TXNRD3: variants seen among roughly 807,000 people sequenced by gnomAD.
TXNRD3 encodes thioredoxin reductase 3, also known as TXNRD3 neighbor gene protein.
Under a neutral mutation model 78.2 loss-of-function variants are expected in TXNRD3, and 68 were observed. The observed-to-expected ratio is 0.87, with a 90% CI of 0.72 to 1.06. The LOEUF is 1.06. Ranked by LOEUF, TXNRD3 falls within the 50% of genes least tolerant of loss-of-function variation. The pLI is 0.00. For synonymous variants in TXNRD3, 296 were observed against 300.1 expected, an observed-to-expected ratio of 0.99 and a Z score of 0.14; for missense variants, 751 against 809.5, an observed-to-expected ratio of 0.93 and a Z score of 0.88.
intron 1 of TXNRD3, among the ~76,000 whole-genome samples, chr3:126,652,192 G>C (rs1188576715): frequency 1.3e-5 from 2 of 152,148 alleles, no homozygotes; most frequent in East Asian, 3.9e-4. Flanking sequence ...AAGGCAAAGG[G>C]GGAGCCAGCA....
At chr3:126,654,338 C>T (rs1273187287) in intron 1 of TXNRD3, among the ~76,000 whole-genome samples, 2 of 152,184 alleles carry the variant, frequency 1.3e-5, no homozygotes, top group African/African-American at 2.4e-5. Context: ...GGTTATCACC[C>T]AAAGGCTCGT....
chr3:126,654,798 G>T lies in TXNRD3; in HGVS notation c.193C>A (p.Arg65Ser). ...TTGCTGAAGATCACCACCCGGCTGC[G>T]CTCGATGAGGCCCACGAGGTGGCGG... Residue 65 changes from arginine (R) to serine (S), a missense_variant, in exon 1 of 16, where the codon CGC becomes AGC. Physicochemically the swap from Arg to Ser is moderately radical, Grantham distance 110 (BLOSUM62 -1). Transcript: ENST00000524230. 1 of 1,431,018 alleles carries T rather than the reference G, an allele frequency of 7.0e-7. No homozygotes were observed. The highest frequency in any genetic ancestry group is 9.1e-7 in the Non-Finnish European group (1 of 1,093,544). The allele number at this position is 1,431,018 out of a possible 1,614,324, so 88.6% of individuals were successfully genotyped here.
chr3:126,609,094 G>A, intron 14 of TXNRD3: 1 of 395,004 alleles, frequency 2.5e-6, no homozygotes, highest in South Asian at 1.9e-5. Context: ...CTGTCACCCA[G>A]GGCTGTGTGC....
At chr3:126,636,088 T>A (rs1011686558) in intron 6 of TXNRD3, among the ~76,000 whole-genome samples, 2 of 152,134 alleles carry the variant, frequency 1.3e-5, no homozygotes, top group African/African-American at 4.8e-5. Flanking sequence ...TGAGCCACCA[T>A]GCCCAGCTTA....
intron 11 of TXNRD3, among the ~76,000 whole-genome samples, chr3:126,622,204 C>T (rs923310164): frequency 1.3e-5 from 2 of 152,216 alleles, no homozygotes; most frequent in South Asian, 4.1e-4. Flanking sequence ...TAAAGATGTG[C>T]TCTAAGTCAC....
chr3:126,625,436 C>G (rs1167108460), intron 10 of TXNRD3, among the ~76,000 whole-genome samples: 2 of 151,286 alleles, frequency 1.3e-5, no homozygotes, highest in African/African-American at 4.9e-5. Flanking sequence ...ACAGTTTGCT[C>G]AGAATGATGG....
intron 12 of TXNRD3, among the ~76,000 whole-genome samples, chr3:126,621,047 G>A (rs1055030702): frequency 2.6e-5 from 4 of 152,118 alleles, no homozygotes; most frequent in African/African-American, 7.2e-5. Flanking sequence ...TCCTTAGCAC[G>A]AGCCAAGCAC....
In TXNRD3 at chr3:126,615,845, G is replaced by A. The variant is rs563448295; in HGVS notation, c.1525-383C>T. On this transcript the variant is annotated intron_variant, in intron 12 of 15. Transcript: ENST00000524230. ...TGGAGCACTTCTTCCAGGCAACCTT[G>A]AATTATGCTACTTCAGTGGAAGCTG... 7.0e-4 allele frequency among the ~76,000 whole-genome samples: 106 copies of A among 152,310 alleles called. 1 individual carries two copies. In the Middle Eastern group the frequency reaches 0.014, roughly 20 times the overall value.
At chr3:126,637,360 T>C (rs1932933576) in intron 6 of TXNRD3, among the ~76,000 whole-genome samples, 1 of 152,188 alleles carries the variant, frequency 6.6e-6, no homozygotes, top group Admixed American at 6.5e-5. Flanking sequence ...GCCTATTTTA[T>C]TTGTATTTTC....
intron 7 of TXNRD3, among the ~76,000 whole-genome samples, chr3:126,632,519 G>C (rs779902375): frequency 1.3e-5 from 2 of 151,876 alleles, no homozygotes; most frequent in Non-Finnish European, 2.9e-5. Flanking sequence ...AATTAGCTGG[G>C]CATGGTGGTA....
At chr3:126,625,642 T>C (rs1938563616) in intron 10 of TXNRD3, among the ~76,000 whole-genome samples, 1 of 152,150 alleles carries the variant, frequency 6.6e-6, no homozygotes, top group African/African-American at 2.4e-5. Flanking sequence ...TATAGCAACA[T>C]TATTTATAAT....
chr3:126,641,038 A>G (rs918848710), intron 6 of TXNRD3, among the ~76,000 whole-genome samples: 1 of 152,210 alleles, frequency 6.6e-6, no homozygotes, highest in Non-Finnish European at 1.5e-5. Flanking sequence ...ACATCTGCCC[A>G]GCAACTGCCT....
At chr3:126,634,449 TAC>T (rs1402164456) in intron 6 of TXNRD3, among the ~76,000 whole-genome samples, 1 of 152,192 alleles carries the variant, frequency 6.6e-6, no homozygotes, top group Non-Finnish European at 1.5e-5. Context: ...GTGAGCTTGG[TAC>T]ACTCACCTCA....
intron 1 of TXNRD3, among the ~76,000 whole-genome samples, chr3:126,648,125 T>A (rs564488532): frequency 6.6e-6 from 1 of 152,112 alleles, no homozygotes; most frequent in Non-Finnish European, 1.5e-5. Flanking sequence ...TCATTTATAA[T>A]AGCAACAAGA....
intron 10 of TXNRD3, chr3:126,625,796 C>A (rs1194852490): frequency 2.0e-5 from 3 of 152,158 alleles, no homozygotes; most frequent in Non-Finnish European, 2.9e-5. Flanking sequence ...CCTATTTCTC[C>A]ACATCCTCTC....
At chr3:126,644,872 T>C (rs908123775) in intron 3 of TXNRD3, among the ~76,000 whole-genome samples, 3 of 152,236 alleles carry the variant, frequency 2.0e-5, no homozygotes, top group African/African-American at 7.2e-5. Context: ...ACAGGTGAGC[T>C]TCCTTTACAA....
chr3:126,627,420 A>C (rs1230573330), intron 10 of TXNRD3, among the ~76,000 whole-genome samples: 2 of 152,222 alleles, frequency 1.3e-5, no homozygotes, highest in African/African-American at 4.8e-5. Context: ...GAAAAAGCAC[A>C]GAGCGCTTTC....
intron 6 of TXNRD3, among the ~76,000 whole-genome samples, chr3:126,638,355 T>C (rs1932960649): frequency 6.6e-6 from 1 of 152,210 alleles, no homozygotes; most frequent in South Asian, 2.1e-4. Context: ...TTCTGATGAC[T>C]TCTCTTGGCC....
At position 126,629,449 on chromosome 3, in the gene TXNRD3, G is replaced by A. The variant is rs1418855431; in HGVS notation, c.1220C>T (p.Ser407Leu). 3 of 1,535,422 alleles carry A rather than the reference G, an allele frequency of 2.0e-6. No individual in the cohort carries two copies. Among genetic ancestry groups the A allele is most frequent in the Non-Finnish European group, 2.6e-6 (3 of 1,146,448 alleles). Residue 407 changes from serine (S) to leucine (L), a missense_variant, in exon 10 of 16, where the codon TCA (serine) becomes TTA (leucine). Physicochemically the swap from Ser to Leu is moderately radical, Grantham distance 145. Coordinates refer to ENST00000524230, the MANE Select transcript of TXNRD3 (RefSeq NM_052883.3). ...AGCCAACACTTTCAGCTTTCCAGGT[G>A]AACCTTTCTCCAACTGTTGAACCTA...
Sources: allele counts gnomAD v4.1 joint callset (sites outside exome capture counted in the v4.1 genomes callset), GRCh38; gene constraint gnomAD v4.1.1; transcripts MANE v1.5; gene names NCBI Gene and HGNC (gene_info 2026-07-23, HGNC 2026-07-21).